Variants in AGBL1 observed in about 807,000 individuals in gnomAD.
AGBL1 encodes cytosolic carboxypeptidase 4.
AGBL1 carries 130 observed loss-of-function variants against 118.9 expected under a neutral mutation model. The observed-to-expected ratio is 1.09, with a 90% CI of 0.95 to 1.26. AGBL1 has a LOEUF of 1.26. Among genes scored for constraint, AGBL1 ranks in the 50% most tolerant of loss-of-function variants. AGBL1 has a pLI of 0.00. For missense variants in AGBL1, 1,584 were observed against 1,298.1 expected (o/e 1.22, Z -3.38); for synonymous variants, 555 against 478.9 (o/e 1.16, Z -2.08).
At chr15:86,871,188 A>G (rs867243618) in intron 22 of AGBL1, among the ~76,000 whole-genome samples, 2 of 152,246 alleles carry the variant, frequency 1.3e-5, no homozygotes, top group Middle Eastern at 6.8e-3. Context: ...TGGGTAGGAG[A>G]TGGGAACAGA....
chr15:86,639,168 G>A (rs1483824209), intron 21 of AGBL1, among the ~76,000 whole-genome samples: 1 of 152,130 alleles, frequency 6.6e-6, no homozygotes, highest in Non-Finnish European at 1.5e-5. Context: ...TTGGTTAGAA[G>A]CCAGTCACTA....
At chr15:86,244,878 A>C (rs181806458) in intron 6 of AGBL1, among the ~76,000 whole-genome samples, 141 of 152,296 alleles carry the variant, frequency 9.3e-4, no homozygotes, top group Non-Finnish European at 1.6e-3. Context: ...TCAGATATTG[A>C]ATAGGCTGCA....
At chr15:86,560,585 T>G (rs2083803034) in intron 21 of AGBL1, among the ~76,000 whole-genome samples, 1 of 152,262 alleles carries the variant, frequency 6.6e-6, no homozygotes, top group Admixed American at 6.5e-5. Context: ...TTGTGAATAG[T>G]GCCACAATAA....
At chr15:86,729,887 C>T (rs906248107) in intron 22 of AGBL1, among the ~76,000 whole-genome samples, 4 of 152,126 alleles carry the variant, frequency 2.6e-5, no homozygotes, top group Non-Finnish European at 5.9e-5. Context: ...ACATTCCCAC[C>T]GGCAGTATAT....
intron 6 of AGBL1, among the ~76,000 whole-genome samples, chr15:86,236,047 T>G (rs909150229): frequency 6.6e-6 from 1 of 152,258 alleles, no homozygotes; most frequent in African/African-American, 2.4e-5. Context: ...ATATTGGGAC[T>G]AACCTCTACT....
chr15:86,704,871 TG>T (rs551844920), intron 22 of AGBL1, among the ~76,000 whole-genome samples: 1 of 152,306 alleles, frequency 6.6e-6, no homozygotes, highest in South Asian at 2.1e-4. Context: ...AGCAAAGACT[TG>T]GAACCAACTC....
intron 17 of AGBL1, among the ~76,000 whole-genome samples, chr15:86,379,527 T>C (rs1453861239): frequency 6.6e-6 from 1 of 152,190 alleles, no homozygotes; most frequent in Non-Finnish European, 1.5e-5. Flanking sequence ...ATGCCAGTAA[T>C]TATACAACTT....
At chr15:86,989,355 G>C (rs555102742) in intron 24 of AGBL1, among the ~76,000 whole-genome samples, 101 of 152,138 alleles carry the variant, frequency 6.6e-4, no homozygotes, top group Non-Finnish European at 1.4e-3. Flanking sequence ...AAGTCTGATG[G>C]ATTTTTGGTA....
intron 21 of AGBL1, chr15:86,556,286 G>T (rs1170018459): frequency 1.5e-5 from 24 of 1,610,880 alleles, no homozygotes; most frequent in Non-Finnish European, 2.0e-5. Flanking sequence ...TGGCCTTCAG[G>T]TATTGGAGCA....
intron 17 of AGBL1, among the ~76,000 whole-genome samples, chr15:86,305,968 C>A (rs369329214): frequency 2.6e-5 from 4 of 151,812 alleles, no homozygotes; most frequent in African/African-American, 9.7e-5. Context: ...CTGTCTTCTG[C>A]ATTTTTATAC....
chr15:86,185,691 G>A (rs1017569746), intron 5 of AGBL1, among the ~76,000 whole-genome samples: 2 of 150,628 alleles, frequency 1.3e-5, no homozygotes, highest in African/African-American at 4.9e-5. Flanking sequence ...CCGCTCATAG[G>A]TGGGAATTGA....
At chr15:86,443,123 C>T (rs927006369) in intron 18 of AGBL1, among the ~76,000 whole-genome samples, 3 of 152,138 alleles carry the variant, frequency 2.0e-5, no homozygotes, top group Admixed American at 6.5e-5. Flanking sequence ...AGTCACTGAG[C>T]CGGAGAAACC....
chr15:86,957,250 A>G (rs1048044115), intron 23 of AGBL1, among the ~76,000 whole-genome samples: 8 of 152,146 alleles, frequency 5.3e-5, no homozygotes, highest in Non-Finnish European at 1.2e-4. Flanking sequence ...TGTGGTAAAT[A>G]TATCTACTAA....
intron 23 of AGBL1, among the ~76,000 whole-genome samples, chr15:86,976,681 C>T (rs2081179204): frequency 6.6e-6 from 1 of 151,888 alleles, no homozygotes; most frequent in African/African-American, 2.4e-5. Flanking sequence ...CAATATTATT[C>T]CTATACTCCT....
chr15:86,995,394 A>C (rs1037403965), intron 24 of AGBL1, among the ~76,000 whole-genome samples: 1 of 152,162 alleles, frequency 6.6e-6, no homozygotes, highest in Admixed American at 6.6e-5. Flanking sequence ...TCAAAAATAA[A>C]TAAGTAAATA....
intron 22 of AGBL1, among the ~76,000 whole-genome samples, chr15:86,890,566 T>A (rs2080039170): frequency 6.6e-6 from 1 of 152,316 alleles, no homozygotes; most frequent in Middle Eastern, 3.4e-3. Context: ...AATTTCTGTG[T>A]AAGGTATAAG....
intron 19 of AGBL1, among the ~76,000 whole-genome samples, chr15:86,529,728 A>G (rs540769947): frequency 7.6e-4 from 116 of 152,004 alleles, no homozygotes; most frequent in African/African-American, 2.5e-3. Context: ...GTTACCCTCA[A>G]AGGGAAGCCC....
downstream of AGBL1, among the ~76,000 whole-genome samples, chr15:86,921,033 C>A (rs916169715): frequency 2.6e-5 from 4 of 152,156 alleles, no homozygotes; most frequent in Non-Finnish European, 5.9e-5. Context: ...TAGACCTGAC[C>A]TCCCCAGCGG....
At chr15:86,277,283 A>AGG (rs1193508689) in intron 15 of AGBL1, among the ~76,000 whole-genome samples, 1 of 109,636 alleles carries the variant, frequency 9.1e-6, no homozygotes, top group African/African-American at 4.4e-5. Context: ...TAGGAGAGAG[A>AGG]GAGAGAGTGT....
Sources: gnomAD v4.1 joint callset for allele counts (sites outside exome capture counted in the v4.1 genomes callset) on GRCh38, gnomAD v4.1.1 for gene constraint, MANE v1.5 for transcripts, NCBI Gene and HGNC (gene_info 2026-07-23, HGNC 2026-07-21) for gene names.